The following AFF1 variants were observed in gnomAD, a reference collection of about 807,000 sequenced individuals.
AFF1 encodes ALF transcription elongation factor 1, also known as AF4/FMR2 family member 1.
AFF1 carries 48 observed loss-of-function variants against 121.7 expected under a neutral mutation model. The ratio of observed to expected loss-of-function variants is 0.39; its 90% CI spans 0.31 to 0.50. The LOEUF is 0.50. Among genes scored for constraint, AFF1 ranks in the 20% least tolerant of loss-of-function variants. AFF1 has a pLI of 0.76. For synonymous variants in AFF1, 613 were observed against 563.0 expected (o/e 1.09, Z -1.26); for missense variants, 1,523 against 1,511.7 (o/e 1.01, Z -0.12).
At chr4:86,997,558 C>T (rs916388035) in intron 2 of AFF1, among the ~76,000 whole-genome samples, 2 of 150,904 alleles carry the variant, frequency 1.3e-5, no homozygotes, top group African/African-American at 4.9e-5. Flanking sequence ...GTCAGGAGAT[C>T]GAGACCATCC....
intron 4 of AFF1, among the ~76,000 whole-genome samples, chr4:87,059,287 A>AT (rs1290323091): frequency 6.6e-6 from 1 of 152,146 alleles, no homozygotes; most frequent in South Asian, 2.1e-4. Context: ...TCTAAAATGG[A>AT]TTTTTTTGTG....
At chr4:87,086,828 T>C (rs531449806) in intron 5 of AFF1, among the ~76,000 whole-genome samples, 1 of 152,272 alleles carries the variant, frequency 6.6e-6, no homozygotes, top group African/African-American at 2.4e-5. Context: ...ATCTTTCTGA[T>C]GGGTGATAGA....
intron 4 of AFF1, among the ~76,000 whole-genome samples, chr4:87,065,808 C>G (rs397840457): frequency 2.0e-5 from 3 of 151,918 alleles, no homozygotes; most frequent in Non-Finnish European, 4.4e-5. Flanking sequence ...TTTTTCCCCC[C>G]CCTTTCTCTG....
chr4:87,030,474 T>C (rs1025991497), intron 2 of AFF1, among the ~76,000 whole-genome samples: 1 of 152,218 alleles, frequency 6.6e-6, no homozygotes, highest in African/African-American at 2.4e-5. Context: ...ATTTAAAGAT[T>C]GGCCAGTGTT....
At chr4:87,081,744 G>T (rs112156501) in intron 4 of AFF1, among the ~76,000 whole-genome samples, 1 of 152,156 alleles carries the variant, frequency 6.6e-6, no homozygotes, top group African/African-American at 2.4e-5. Context: ...TTGACAGGAA[G>T]ATTAACAGTA....
chr4:86,963,017 T>TA (rs1480559825), intron 2 of AFF1, among the ~76,000 whole-genome samples: 1 of 151,738 alleles, frequency 6.6e-6, no homozygotes, highest in Admixed American at 6.6e-5. Flanking sequence ...AATACAAAAA[T>TA]TAGCCAGGCG....
intron 2 of AFF1, among the ~76,000 whole-genome samples, chr4:86,971,286 TC>T (rs151332200): frequency 0.045 from 6,805 of 152,298 alleles, 488 homozygotes; most frequent in African/African-American, 0.15. Context: ...AATTTCCGTT[TC>T]CTAGCATGCA....
chr4:87,098,613 T>G (rs1725109056), intron 8 of AFF1, among the ~76,000 whole-genome samples: 3 of 152,216 alleles, frequency 2.0e-5, no homozygotes, highest in South Asian at 4.1e-4. Flanking sequence ...TATTTGTATA[T>G]TCTAGCTAAC....
chr4:87,088,902 A>G (rs999590946), intron 5 of AFF1, among the ~76,000 whole-genome samples: 1 of 152,108 alleles, frequency 6.6e-6, no homozygotes, highest in Non-Finnish European at 1.5e-5. Flanking sequence ...TGCACACCCA[A>G]ACCCAGCTAA....
chr4:86,938,185 C>T (rs1285354160), intron 1 of AFF1, among the ~76,000 whole-genome samples: 1 of 152,112 alleles, frequency 6.6e-6, no homozygotes, highest in Non-Finnish European at 1.5e-5. Context: ...TGTGGTGGCT[C>T]ACGCCTGTAA....
intron 11 of AFF1, among the ~76,000 whole-genome samples, chr4:87,109,175 A>G (rs1384670881): frequency 6.6e-6 from 1 of 152,218 alleles, no homozygotes; most frequent in African/African-American, 2.4e-5. Flanking sequence ...TAATAAGGGA[A>G]TGCCAGGAAA....
At chr4:87,014,557 G>C (rs762741826) in intron 2 of AFF1, among the ~76,000 whole-genome samples, 1 of 152,192 alleles carries the variant, frequency 6.6e-6, no homozygotes, top group Non-Finnish European at 1.5e-5. Context: ...TTTGGTATGT[G>C]GGTGTTGTAA....
intron 2 of AFF1, among the ~76,000 whole-genome samples, chr4:87,042,066 C>T (rs1051023524): frequency 2.0e-5 from 3 of 151,750 alleles, no homozygotes; most frequent in Non-Finnish European, 4.4e-5. Flanking sequence ...GGGTATTTGC[C>T]GCCTCCTAAA....
chr4:86,955,878 C>T (rs539331928), intron 2 of AFF1, among the ~76,000 whole-genome samples: 5 of 152,108 alleles, frequency 3.3e-5, no homozygotes, highest in Non-Finnish European at 5.9e-5. Flanking sequence ...CTCTCCTTTT[C>T]GAGTTTGAAT....
At chr4:87,038,305 G>A (rs1020401046) in intron 2 of AFF1, among the ~76,000 whole-genome samples, 10 of 152,136 alleles carry the variant, frequency 6.6e-5, no homozygotes, top group Non-Finnish European at 1.2e-4. Flanking sequence ...TCACATGGAT[G>A]GAGAGACGAA....
intron 2 of AFF1, among the ~76,000 whole-genome samples, chr4:87,004,306 C>T (rs1725928103): frequency 6.6e-6 from 1 of 152,074 alleles, no homozygotes; most frequent in Non-Finnish European, 1.5e-5. Context: ...AAGTTTGCAC[C>T]TCAATTACTG....
In AFF1 at chr4:87,131,192, T is replaced by A; in HGVS notation, c.3074T>A (p.Val1025Asp). The A allele has an allele frequency of 6.2e-7, 1 of 1,614,230 alleles. No homozygotes were observed. The change falls in exon 17 of 21, where the codon GTC (valine) becomes GAC (aspartate). Residue 1025 changes from valine to aspartate, a missense_variant. Physicochemically the swap from Val to Asp is radical, Grantham distance 152. Coordinates refer to ENST00000395146, the MANE Select transcript of AFF1 (RefSeq NM_001166693.3). ...ESQSSKSAYS[V>D]YSETVDLIKF... is the part of the protein sequence containing the mutation. The stretch of plus-strand genomic sequence containing the variant: ...CAGTCATCCAAGTCAGCTTACTCTG[T>A]CTACTCAGAAACTGTAGATCTCATT...
At position 87,135,668 on chromosome 4, in the gene AFF1, T is replaced by C; in HGVS notation, c.3624T>C (p.Phe1208=). The stretch of plus-strand genomic sequence containing the variant: ...TGGTGCACTATACACGACAGGGTTT[T>C]CAGCAGCTACAAGAATTAACCAAAA... ...VDLVHYTRQG[F]QQLQELTKTP is the part of the protein sequence containing the mutation. The change falls in exon 21 of 21, where the codon TTT becomes TTC. Residue 1208 remains phenylalanine (F), a synonymous_variant. Transcript: ENST00000395146. 6.2e-7 allele frequency: 1 copy of C among 1,613,014 alleles called. No homozygotes were observed. The highest frequency in any genetic ancestry group is 8.5e-7 in the Non-Finnish European group (1 of 1,179,448).
chr4:86,971,456 C>T (rs1332869142), intron 2 of AFF1, among the ~76,000 whole-genome samples: 1 of 152,200 alleles, frequency 6.6e-6, no homozygotes. Context: ...TGGGAATGCA[C>T]CCATACATTT....
Sources: allele counts gnomAD v4.1 joint callset (sites outside exome capture counted in the v4.1 genomes callset), GRCh38; gene constraint gnomAD v4.1.1; transcripts MANE v1.5; gene names NCBI Gene and HGNC (gene_info 2026-07-23, HGNC 2026-07-21).